Variants in USP24 observed in about 807,000 individuals in gnomAD.
USP24 encodes ubiquitin carboxyl-terminal hydrolase 24.
USP24 carries 97 observed loss-of-function variants against 361.6 expected under a neutral mutation model. That is an observed-to-expected ratio of 0.27 (90% CI 0.23 to 0.32). The LOEUF (loss-of-function observed/expected upper bound fraction) is 0.32, where lower values mean the gene tolerates loss of function less well. Ranked by LOEUF, USP24 falls within the 10% of genes least tolerant of loss-of-function variation. The pLI is 1.00. For synonymous variants in USP24, 1,098 were observed against 1,124.6 expected, an observed-to-expected ratio of 0.98 and a Z score of 0.47; for missense variants, 2,353 against 3,165.6, an observed-to-expected ratio of 0.74 and a Z score of 6.16.
chr1:55,073,975 GCTCT>G, intron 63 of USP24, 69 bp from the exon 64 acceptor site: 3 of 1,285,274 alleles, frequency 2.3e-6, no homozygotes, highest in Non-Finnish European at 3.3e-6. Context: ...GTGACAACAA[GCTCT>G]CTTGTTCTAA....
chr1:55,090,676 G>A (rs1645354121), intron 54 of USP24, among the ~76,000 whole-genome samples: 1 of 152,060 alleles, frequency 6.6e-6, no homozygotes. Flanking sequence ...CTTACTCTAG[G>A]TATATTCTAC....
chr1:55,088,856 T>A (rs560642278), intron 55 of USP24, among the ~76,000 whole-genome samples: 1 of 152,158 alleles, frequency 6.6e-6, no homozygotes, highest in Non-Finnish European at 1.5e-5. Flanking sequence ...GAAAAGCAAA[T>A]TTTTCTTTTT....
In USP24 at chr1:55,180,374, C is replaced by T. The variant is rs547631948; in HGVS notation, c.325-2242G>A. ...ACACCATGTCCTGAGGGAACCCAGG[C>T]TAAATGCAGAGGGCCCGTATGGTTG... On this transcript the variant is annotated intron_variant, in intron 1 of 67. Coordinates refer to ENST00000294383, the MANE Select transcript of USP24 (RefSeq NM_015306.3). 2.0e-3 allele frequency among the ~76,000 whole-genome samples: 307 copies of T among 152,274 alleles called. 1 individual carries two copies. The highest frequency in any genetic ancestry group is 3.4e-3 in the Non-Finnish European group (229 of 68,020).
intron 41 of USP24, among the ~76,000 whole-genome samples, chr1:55,104,720 T>C (rs1382815538): frequency 1.3e-5 from 2 of 152,136 alleles, no homozygotes; most frequent in Non-Finnish European, 1.5e-5. Flanking sequence ...TTAGGGAATG[T>C]AGGAGGAGGC....
chr1:55,072,702 T>TATTC, intron 65 of USP24, 84 bp downstream of exon 65: 1 of 1,304,754 alleles, frequency 7.7e-7, no homozygotes, highest in Non-Finnish European at 1.1e-6. Context: ...TCAGTCTCCA[T>TATTC]ATTCAGTTCT....
Position 55,094,075 on chromosome 1 carries a change from A to C in USP24, c.6216T>G (p.Ser2072=). ...ATGACTGAGGTGAAATTTCTGGTGA[A>C]GATGGAGCTGACCTAAGAGATAGAA... ...EAEDLSLSAP[S]SPEISPQSSP... Residue 2072 remains serine, a synonymous_variant, in exon 52 of 68, where the codon TCT becomes TCG. Coordinates refer to ENST00000294383, the MANE Select transcript of USP24 (RefSeq NM_015306.3). The C allele has an allele frequency of 6.2e-7, 1 of 1,613,188 alleles. No individual in the cohort carries two copies. The highest frequency in any genetic ancestry group is 1.1e-5 in the South Asian group (1 of 90,864).
rs146950793 is a variant in USP24 at position 55,212,418 on chromosome 1, CCT to C, written c.324+2370_324+2371del. On this transcript the variant is annotated intron_variant, in intron 1 of 67. Coordinates refer to ENST00000294383, the MANE Select transcript of USP24 (RefSeq NM_015306.3). ...AAGAGACCTGGGTTCAAATTCAGCCCCTGCCACCCACTACATAATCATATCCC... is the reference window on the plus strand; with the variant it reads ...AAGAGACCTGGGTTCAAATTCAGCCCGCCACCCACTACATAATCATATCCC... Among the ~76,000 whole-genome samples, 84 of 152,236 alleles carry C rather than the reference CCT, an allele frequency of 5.5e-4. 1 individual carries two copies. Among genetic ancestry groups the C allele is most frequent in the African/African-American group, 1.7e-3 (72 of 41,542 alleles).
At chr1:55,190,638 A>G (rs1308341964) in intron 1 of USP24, among the ~76,000 whole-genome samples, 1 of 152,244 alleles carries the variant, frequency 6.6e-6, no homozygotes, top group African/African-American at 2.4e-5. Flanking sequence ...ACTGATTATA[A>G]ATTAATTAAA....
At chr1:55,196,801 G>T (rs1057472960) in intron 1 of USP24, among the ~76,000 whole-genome samples, 13 of 152,158 alleles carry the variant, frequency 8.5e-5, no homozygotes, top group African/African-American at 3.1e-4. Context: ...CGTGACAGTT[G>T]CCTGCAAGGC....
At chr1:55,082,201 C>G (rs1645162176) in intron 58 of USP24, among the ~76,000 whole-genome samples, 1 of 152,202 alleles carries the variant, frequency 6.6e-6, no homozygotes, top group African/African-American at 2.4e-5. Context: ...ACCAGCAGAG[C>G]TGGGTCTGAA....
chr1:55,138,901 C>T (rs1368444824), intron 25 of USP24, 43 bp downstream of exon 25: 1 of 1,585,190 alleles, frequency 6.3e-7, no homozygotes, highest in African/African-American at 1.3e-5. Flanking sequence ...TCGCTTGAGT[C>T]CAGCCTAAGC....
At chr1:55,076,027 T>A (rs1285226523) in intron 62 of USP24, among the ~76,000 whole-genome samples, 1 of 151,982 alleles carries the variant, frequency 6.6e-6, no homozygotes, top group African/African-American at 2.4e-5. Flanking sequence ...CTGCCACATA[T>A]CTCAAATATA....
chr1:55,155,064 CAAG>C (rs769844841), intron 12 of USP24, among the ~76,000 whole-genome samples: 5 of 151,032 alleles, frequency 3.3e-5, no homozygotes, highest in Non-Finnish European at 5.9e-5. Flanking sequence ...TATTTCACTT[CAAG>C]AAGAGAACAA....
chr1:55,206,965 G>A (rs1336923337), intron 1 of USP24, among the ~76,000 whole-genome samples: 1 of 152,020 alleles, frequency 6.6e-6, no homozygotes, highest in African/African-American at 2.4e-5. Context: ...TGAGGAGTTC[G>A]AGACCAGCCT....
intron 55 of USP24, among the ~76,000 whole-genome samples, chr1:55,089,099 G>A (rs1645317716): frequency 6.6e-6 from 1 of 151,982 alleles, no homozygotes; most frequent in African/African-American, 2.4e-5. Flanking sequence ...GTAGAGGCGG[G>A]GTTTCACCAT....
At chr1:55,207,111 T>C (rs987683731) in intron 1 of USP24, among the ~76,000 whole-genome samples, 1 of 152,066 alleles carries the variant, frequency 6.6e-6, no homozygotes, top group African/African-American at 2.4e-5. Flanking sequence ...TCAGCCAAAA[T>C]CGCCTCGCTG....
rs755793377 is a variant in USP24, at chr1:55,198,401, C to T, written c.324+16389G>A. 2.7e-4 allele frequency among the ~76,000 whole-genome samples: 41 copies of T among 152,176 alleles called. 1 individual carries two copies. Among genetic ancestry groups the T allele is most frequent in the Non-Finnish European group, 4.1e-4 (28 of 68,022 alleles). On this transcript the variant is annotated intron_variant, in intron 1 of 67. Coordinates refer to ENST00000294383, the MANE Select transcript of USP24 (RefSeq NM_015306.3). ...AAAGGGAAAGAGAACAAGGCATTTC[C>T]GTTTTTGTGTGTAGAAAGAACACAG...
At chr1:55,157,774 C>T (rs1424246459) in intron 10 of USP24, among the ~76,000 whole-genome samples, 3 of 148,890 alleles carry the variant, frequency 2.0e-5, no homozygotes, top group African/African-American at 7.5e-5. Context: ...GCGGAGGTTG[C>T]AGTGGTCCAA....
chr1:55,138,716 A>G lies in USP24; in HGVS notation c.2820T>C (p.Asp940=), dbSNP rs758453327. ...LAERYVITIE[D]FYSVPRTILP... ...GAATAGTTCGTGGAACAGAGTAAAA[A>G]TCCTTAAAAAACGAATAAGTCAAGT... Residue 940 remains aspartate (D), a splice_region_variant and synonymous_variant, in exon 26 of 68, where the codon GAT becomes GAC. Transcript: ENST00000294383. The G allele has an allele frequency of 6.2e-6, 10 of 1,609,976 alleles. No individual in the cohort carries two copies. In the African/African-American group the frequency reaches 1.2e-4, roughly 19 times the overall value.
Sources: gnomAD v4.1 joint callset for allele counts (sites outside exome capture counted in the v4.1 genomes callset) on GRCh38, gnomAD v4.1.1 for gene constraint, MANE v1.5 for transcripts, NCBI Gene and HGNC (gene_info 2026-07-23, HGNC 2026-07-21) for gene names.